TMEM108: variants seen among roughly 807,000 people sequenced by gnomAD.
TMEM108 encodes the protein cancer/testis antigen 124.
Under a neutral mutation model 35.1 loss-of-function variants are expected in TMEM108, and 12 were observed. The ratio of observed to expected loss-of-function variants is 0.34; its 90% CI spans 0.22 to 0.55. TMEM108 has a LOEUF of 0.55. TMEM108 is among the 20% of genes least tolerant of loss of function. TMEM108 has a pLI of 0.89. For synonymous variants in TMEM108, 287 were observed against 308.6 expected (o/e 0.93, Z 0.73); for missense variants, 680 against 753.3 (o/e 0.90, Z 1.14).
rs572557312 is a variant in TMEM108 at position 133,244,438 on chromosome 3, G to A, written c.40+15087G>A. 6.8e-4 allele frequency among the ~76,000 whole-genome samples: 103 copies of A among 152,280 alleles called. 1 individual carries two copies. The highest frequency in any genetic ancestry group is 2.5e-3 in the African/African-American group (102 of 41,558). ...AGTCTCATTCTCTGAAAACCAGTAT[G>A]GAGGTTCCATGTAAGGGCTGGAGAT... On this transcript the variant is annotated intron_variant, in intron 3 of 5. Coordinates refer to ENST00000321871, the MANE Select transcript of TMEM108 (RefSeq NM_023943.4).
intron 3 of TMEM108, among the ~76,000 whole-genome samples, chr3:133,373,864 AG>A (rs1272936383): frequency 6.6e-6 from 1 of 152,244 alleles, no homozygotes; most frequent in Non-Finnish European, 1.5e-5. Flanking sequence ...CAAAAATCTT[AG>A]GGTTGACCAG....
chr3:133,166,178 A>T (rs1240526094), intron 2 of TMEM108, among the ~76,000 whole-genome samples: 1 of 152,226 alleles, frequency 6.6e-6, no homozygotes, highest in Non-Finnish European at 1.5e-5. Flanking sequence ...CAATTAAAAC[A>T]TAGTTTTTGT....
intron 2 of TMEM108, among the ~76,000 whole-genome samples, chr3:133,157,998 C>T (rs1944904509): frequency 6.6e-6 from 1 of 152,178 alleles, no homozygotes; most frequent in Non-Finnish European, 1.5e-5. Context: ...TGGAGTAAAG[C>T]CTGCATTGCC....
At chr3:133,041,458 G>C (rs1264142974) in intron 1 of TMEM108, among the ~76,000 whole-genome samples, 1 of 152,130 alleles carries the variant, frequency 6.6e-6, no homozygotes, top group Non-Finnish European at 1.5e-5. Context: ...CTGAACTATG[G>C]AGCTGGCAAA....
chr3:133,177,044 A>G (rs1410788628), intron 2 of TMEM108, among the ~76,000 whole-genome samples: 136 of 152,114 alleles, frequency 8.9e-4, no homozygotes, highest in African/African-American at 2.7e-3. Flanking sequence ...ACACCTCTAC[A>G]CAAATAAACT....
rs185113114 is a variant in TMEM108 at position 133,256,500 on chromosome 3, A to C, written c.40+27149A>C. On this transcript the variant is annotated intron_variant, in intron 3 of 5. Transcript: ENST00000321871. ...GGTTAATGAAAAACAACACAGAATA[A>C]ATATACTAGACAATAATAGCAGTTA... is the stretch of plus-strand genomic sequence containing the variant. Among the ~76,000 whole-genome samples the C allele has an allele frequency of 2.4e-4, 36 of 152,330 alleles. No homozygotes were observed. In the East Asian group the frequency reaches 6.7e-3, roughly 29 times the overall value.
chr3:133,386,542 C>A, intron 4 of TMEM108: 1 of 1,523,300 alleles, frequency 6.6e-7, no homozygotes, highest in South Asian at 1.2e-5. Context: ...CCATGGATGA[C>A]TCCCCAGTGA....
chr3:133,239,856 A>T (rs1946288874), intron 3 of TMEM108, among the ~76,000 whole-genome samples: 1 of 152,180 alleles, frequency 6.6e-6, no homozygotes, highest in African/African-American at 2.4e-5. Context: ...GAGAATGGAG[A>T]GAAGGTGACA....
chr3:133,312,386 AC>A (rs113599713), intron 3 of TMEM108, among the ~76,000 whole-genome samples: 23 of 152,156 alleles, frequency 1.5e-4, no homozygotes, highest in African/African-American at 5.5e-4. Flanking sequence ...GGTGGGCTCC[AC>A]CCAGTTTGAG....
At chr3:133,122,574 G>A (rs1215171600) in intron 2 of TMEM108, among the ~76,000 whole-genome samples, 2 of 151,924 alleles carry the variant, frequency 1.3e-5, no homozygotes, top group South Asian at 2.1e-4. Context: ...TTTAAAAATT[G>A]GTCAACATTG....
At chr3:133,048,253 C>T (rs1943363151) in intron 2 of TMEM108, among the ~76,000 whole-genome samples, 1 of 152,164 alleles carries the variant, frequency 6.6e-6, no homozygotes, top group South Asian at 2.1e-4. Flanking sequence ...AAACTATCGT[C>T]CCAAATGACT....
chr3:133,051,272 T>C (rs1943401338), intron 2 of TMEM108, among the ~76,000 whole-genome samples: 1 of 152,132 alleles, frequency 6.6e-6, no homozygotes, highest in South Asian at 2.1e-4. Flanking sequence ...TAACAAATGA[T>C]GTAGAACATC....
intron 3 of TMEM108, among the ~76,000 whole-genome samples, chr3:133,301,315 C>T (rs1576441991): frequency 6.6e-6 from 1 of 152,128 alleles, no homozygotes; most frequent in Admixed American, 6.5e-5. Flanking sequence ...GAAAGAATAA[C>T]TCCAAGAAGT....
At chr3:133,177,517 C>T (rs982596529) in intron 2 of TMEM108, among the ~76,000 whole-genome samples, 4 of 152,300 alleles carry the variant, frequency 2.6e-5, no homozygotes, top group East Asian at 1.9e-4. Context: ...TCAACATACA[C>T]AAATCAATAA....
chr3:133,342,555 T>TATATATACACACAC lies in TMEM108; in HGVS notation c.41-37196_41-37195insTATATACACACACA, dbSNP rs60991711. 1.6e-4 allele frequency among the ~76,000 whole-genome samples: 10 copies of TATATATACACACAC among 63,410 alleles called. 1 individual carries two copies. The East Asian group carries it at 1.9e-3, about 12-fold the overall frequency. 41.6% of individuals were successfully genotyped at this position (63,410 alleles called of 152,430 possible). A position where few individuals can be genotyped will look rare whatever the true frequency, so the allele number is the denominator to read the frequency against. ...AAAAAGAAAATGTGGTATATATATA[T>TATATATACACACAC]ACACACACACACACAATGGAGTACT... On this transcript the variant is annotated intron_variant, in intron 3 of 5. Transcript: ENST00000321871.
intron 3 of TMEM108, among the ~76,000 whole-genome samples, chr3:133,338,397 C>T (rs2071563493): frequency 6.6e-6 from 1 of 152,106 alleles, no homozygotes; most frequent in South Asian, 2.1e-4. Context: ...GAGAGAGTGG[C>T]ATGACATATT....
At chr3:133,223,001 T>TC in intron 2 of TMEM108, among the ~76,000 whole-genome samples, 1 of 152,248 alleles carries the variant, frequency 6.6e-6, no homozygotes, top group South Asian at 2.1e-4. Context: ...TTAAATTTTT[T>TC]TTGTAGAAAT....
chr3:133,376,204 G>A (rs2072833384), intron 3 of TMEM108, among the ~76,000 whole-genome samples: 1 of 152,182 alleles, frequency 6.6e-6, no homozygotes, highest in Non-Finnish European at 1.5e-5. Flanking sequence ...TGCCAGTGAT[G>A]GGAAAGTCAG....
intron 3 of TMEM108, 119 bp from the exon 4 acceptor site, chr3:133,379,633 C>A (rs2072941778): frequency 1.0e-6 from 1 of 1,003,580 alleles, no homozygotes; most frequent in African/African-American, 1.6e-5. Context: ...AGTGTGGGCT[C>A]AGGAATGCTC....
Sources: allele counts gnomAD v4.1 joint callset (sites outside exome capture counted in the v4.1 genomes callset), GRCh38; gene constraint gnomAD v4.1.1; transcripts MANE v1.5; gene names NCBI Gene and HGNC (gene_info 2026-07-23, HGNC 2026-07-21).